Variants in RUNX1T1 observed in about 807,000 individuals in gnomAD.
RUNX1T1 encodes protein CBFA2T1.
In RUNX1T1, 4 loss-of-function variants were observed where a neutral mutation model predicts 62.8. The observed-to-expected ratio is 0.06, with a 90% CI of 0.03 to 0.15. The LOEUF is 0.15. Ranked by LOEUF, RUNX1T1 falls within the 10% of genes least tolerant of loss-of-function variation. The probability of loss-of-function intolerance (pLI) is 1.00; values close to 1 mark genes in which losing one functional copy is unlikely to be tolerated. For missense variants in RUNX1T1, 508 were observed against 754.3 expected, an observed-to-expected ratio of 0.67 and a Z score of 3.82; for synonymous variants, 291 against 286.0, an observed-to-expected ratio of 1.02 and a Z score of -0.18.
chr8:92,017,124 A>T (rs954387773), intron 2 of RUNX1T1, 102 bp downstream of exon 3: 2 of 869,292 alleles, frequency 2.3e-6, no homozygotes, highest in Non-Finnish European at 3.7e-6. Context: ...TCTGCATAAT[A>T]CATTGATGCT....
chr8:92,087,727 G>A (rs1307490643), intron 1 of RUNX1T1, among the ~76,000 whole-genome samples: 1 of 152,132 alleles, frequency 6.6e-6, no homozygotes, highest in African/African-American at 2.4e-5. Context: ...TCACTCCCAA[G>A]AGTAAACATT....
At position 92,095,513 on chromosome 8, in the gene RUNX1T1, C is replaced by T. The variant is rs1383526538; in HGVS notation, c.-86+4067G>A. 28 of 1,508,232 alleles carry T rather than the reference C, an allele frequency of 1.9e-5. No homozygotes were observed. The East Asian group carries it at 6.9e-4, about 37-fold the overall frequency. The allele number at this position is 1,508,232 out of a possible 1,614,324, so 93.4% of individuals were successfully genotyped here. A position where few individuals can be genotyped will look rare whatever the true frequency, so the allele number is the denominator to read the frequency against. ...AGCGCAGGAGGGAGAGGAGAGAAGC[C>T]AACGTGCATCAGGGTGATTACAATA... On this transcript the variant is annotated intron_variant, in intron 1 of 11. Coordinates refer to the RUNX1T1 transcript ENST00000265814.
In RUNX1T1 at chr8:92,054,728, G is replaced by A. The variant is rs542406259; in HGVS notation, c.7+7818C>T. On this transcript the variant is annotated intron_variant, in intron 1 of 10. Coordinates refer to ENST00000396218, the Ensembl canonical transcript of RUNX1T1. ...AAATACATTCAGCACAGGGCCAGGCGCGGCGGCTCATGCCTATAATCCCAG... is the reference window on the plus strand; with the variant it reads ...AAATACATTCAGCACAGGGCCAGGCACGGCGGCTCATGCCTATAATCCCAG... Among the ~76,000 whole-genome samples the A allele has an allele frequency of 3.3e-3, 508 of 152,222 alleles. 5 individuals carry two copies. The highest frequency in any genetic ancestry group is 0.012 in the African/African-American group (489 of 41,548).
At chr8:91,972,382 A>G (rs1331061945) in intron 9 of RUNX1T1, among the ~76,000 whole-genome samples, 1 of 152,160 alleles carries the variant, frequency 6.6e-6, no homozygotes, top group Non-Finnish European at 1.5e-5. Flanking sequence ...AAACTAAAAT[A>G]TAAGTAAAAG....
At chr8:92,010,312 C>G (rs888626787) in intron 4 of RUNX1T1, 1 of 152,206 alleles carries the variant, frequency 6.6e-6, no homozygotes, top group Non-Finnish European at 1.5e-5. Context: ...TATGCTTACC[C>G]AAGTAAAAGG....
chr8:91,958,741 A>C (rs896896878), downstream of RUNX1T1: 19 of 181,380 alleles, frequency 1.0e-4, no homozygotes, highest in African/African-American at 2.1e-4. Flanking sequence ...AAAAAAAAAA[A>C]AAAAAACAAA....
intron 4 of RUNX1T1, among the ~76,000 whole-genome samples, chr8:92,009,358 T>C (rs2040091109): frequency 6.6e-6 from 1 of 152,190 alleles, no homozygotes; most frequent in Non-Finnish European, 1.5e-5. Context: ...AATGCACTTA[T>C]TAAGGCCCGA....
chr8:92,005,493 G>C, intron 4 of RUNX1T1, 196 bp from the exon 6 acceptor site: 1 of 541,734 alleles, frequency 1.8e-6, no homozygotes. Context: ...TAAGTGTGAG[G>C]TGACTGACCC....
chr8:91,986,308 C>A (rs867558286), exon 8 of RUNX1T1: 1 of 1,613,258 alleles, frequency 6.2e-7, no homozygotes, highest in Admixed American at 1.7e-5. Context: ...CTACCATGTC[C>A]ATTATGCAGT....
exon 11 of RUNX1T1, chr8:91,960,099 G>T: frequency 1.2e-6 from 1 of 823,538 alleles, no homozygotes; most frequent in Non-Finnish European, 1.9e-6. Flanking sequence ...GATACAGTTA[G>T]GTTCTCTCTT....
chr8:91,976,223 C>T (rs919797270), intron 8 of RUNX1T1, among the ~76,000 whole-genome samples: 1 of 152,230 alleles, frequency 6.6e-6, no homozygotes, highest in Non-Finnish European at 1.5e-5. Flanking sequence ...AACTTGATTT[C>T]ATTATACAAT....
intron 1 of RUNX1T1, among the ~76,000 whole-genome samples, chr8:92,096,414 T>C (rs1837751230): frequency 1.3e-5 from 2 of 152,254 alleles, no homozygotes; most frequent in South Asian, 2.1e-4. Flanking sequence ...TGTCCGTCAG[T>C]CCAGAGTTCA....
rs1379456173 is a variant in RUNX1T1 at position 92,014,559 on chromosome 8, G to T, written c.387+20C>A. The T allele has an allele frequency of 4.4e-6, 7 of 1,575,040 alleles. No individual in the cohort carries two copies. Among genetic ancestry groups the T allele is most frequent in the East Asian group, 4.5e-5 (2 of 44,398 alleles). On this transcript the variant is annotated intron_variant, in intron 3 of 10. Transcript: ENST00000396218. The stretch of plus-strand genomic sequence containing the variant: ...CTATCCCTTACACCAAGAAAACTGG[G>T]TTGGTTTCCATTTGCTTACCACTAG...
At chr8:92,095,580 G>T in intron 1 of RUNX1T1, 1 of 1,444,804 alleles carries the variant, frequency 6.9e-7, no homozygotes. Context: ...AACAGAGGGT[G>T]CGTGTGAGAC....
At chr8:92,003,360 A>G (rs746357400) in intron 5 of RUNX1T1, 3 of 456,248 alleles carry the variant, frequency 6.6e-6, no homozygotes, top group Non-Finnish European at 8.8e-6. Flanking sequence ...AAATACTGGG[A>G]AAGAGCTGGT....
At chr8:92,062,731 A>G in exon 1 of RUNX1T1, 1 of 1,583,712 alleles carries the variant, frequency 6.3e-7, no homozygotes, top group Middle Eastern at 1.7e-4. Context: ...AGACAGATGG[A>G]GAGCTGACAC....
intron 5 of RUNX1T1, among the ~76,000 whole-genome samples, chr8:92,003,535 C>T (rs535118860): frequency 4.6e-5 from 7 of 152,254 alleles, no homozygotes; most frequent in Admixed American, 2.6e-4. Context: ...TTCCCTGTTA[C>T]ACTCTCCTCC....
intron 8 of RUNX1T1, among the ~76,000 whole-genome samples, chr8:91,983,818 T>C (rs1815959626): frequency 6.6e-6 from 1 of 152,194 alleles, no homozygotes; most frequent in Non-Finnish European, 1.5e-5. Context: ...ACCTGTCCTC[T>C]TATTTACAGC....
chr8:91,979,348 A>G (rs944800104), intron 8 of RUNX1T1, among the ~76,000 whole-genome samples: 1 of 152,160 alleles, frequency 6.6e-6, no homozygotes, highest in African/African-American at 2.4e-5. Context: ...TACCTAAAAC[A>G]TCCTAAGATT....
Sources: gnomAD v4.1 joint callset for allele counts (sites outside exome capture counted in the v4.1 genomes callset) on GRCh38, gnomAD v4.1.1 for gene constraint, MANE v1.5 for transcripts, NCBI Gene and HGNC (gene_info 2026-07-23, HGNC 2026-07-21) for gene names.